The following CEP85L variants were observed in gnomAD, a reference collection of about 807,000 sequenced individuals.
CEP85L encodes the protein centrosomal protein 85L, also known as centrosomal protein of 85 kDa-like.
Under a neutral mutation model 100.3 loss-of-function variants are expected in CEP85L, and 60 were observed. That is an observed-to-expected ratio of 0.60 (90% CI 0.49 to 0.74). The LOEUF is 0.74. Among genes scored for constraint, CEP85L ranks in the 30% least tolerant of loss-of-function variants. The pLI is 0.00. For synonymous variants in CEP85L, 319 were observed against 322.7 expected (o/e 0.99, Z 0.12); for missense variants, 973 against 936.2 (o/e 1.04, Z -0.51).
intron 6 of CEP85L, 143 bp downstream of exon 6, chr6:118,491,543 C>T: frequency 7.0e-7 from 1 of 1,422,684 alleles, no homozygotes; most frequent in Non-Finnish European, 9.2e-7. Flanking sequence ...CAGAGGGCTT[C>T]TCAAAAGTTA....
chr6:118,520,519 C>A (rs969246533), intron 4 of CEP85L, among the ~76,000 whole-genome samples: 3 of 152,158 alleles, frequency 2.0e-5, no homozygotes, highest in Non-Finnish European at 4.4e-5. Context: ...TCCATCATCT[C>A]AACCTTTATC....
rs528427183 is a variant in CEP85L, at chr6:118,465,109, C to T, written c.*296G>A. The T allele has an allele frequency of 3.6e-6, 1 of 276,602 alleles. No individual in the cohort carries two copies. The highest frequency in any genetic ancestry group is 6.4e-5 in the South Asian group (1 of 15,560). The allele number at this position is 276,602 out of a possible 1,614,324, so 17.1% of individuals were successfully genotyped here. A position where few individuals can be genotyped will look rare whatever the true frequency, so the allele number is the denominator to read the frequency against. ...AGGATTAAAAGGAATCCTACTCCTT[C>T]ATGTGAAGGGTACTCTTCACAGCTT... On this transcript the variant is annotated 3_prime_UTR_variant, in exon 13 of 13. Coordinates refer to ENST00000368491, the MANE Select transcript of CEP85L (RefSeq NM_001042475.3).
At chr6:118,656,631 AT>A (rs1388816789), upstream of CEP85L, 6 of 152,186 alleles carry the variant, frequency 3.9e-5, no homozygotes, top group African/African-American at 1.2e-4. Flanking sequence ...ATTTAATTTT[AT>A]TTTTTATTGA....
intron 1 of CEP85L, among the ~76,000 whole-genome samples, chr6:118,644,590 G>A (rs139044577): frequency 9.0e-4 from 137 of 151,856 alleles, no homozygotes; most frequent in African/African-American, 3.1e-3. Flanking sequence ...TCTCCCCACC[G>A]CCCTCTGCCC....
intron 1 of CEP85L, among the ~76,000 whole-genome samples, chr6:118,660,818 T>C (rs963390669): frequency 2.6e-5 from 4 of 152,244 alleles, no homozygotes; most frequent in African/African-American, 9.6e-5. Context: ...AATCTGGTTT[T>C]CTCAAACATA....
intron 1 of CEP85L, among the ~76,000 whole-genome samples, chr6:118,660,013 A>G (rs1775918398): frequency 6.6e-6 from 1 of 152,242 alleles, no homozygotes; most frequent in Non-Finnish European, 1.5e-5. Context: ...TTTAGAACAG[A>G]TGGCTTAAAA....
At position 118,585,242 on chromosome 6, in the gene CEP85L, C is replaced by T. The variant is rs1046949161; in HGVS notation, c.233-18926G>A. 7.2e-5 allele frequency among the ~76,000 whole-genome samples: 11 copies of T among 152,336 alleles called. No individual in the cohort carries two copies. In the East Asian group the frequency reaches 2.1e-3, roughly 29 times the overall value. ...AACATTTACACAGACTCCAAATATG[C>T]TTTCCTGGTTCTCCATGCTCATGCT... On this transcript the variant is annotated intron_variant, in intron 2 of 12. Coordinates refer to ENST00000368491, the MANE Select transcript of CEP85L (RefSeq NM_001042475.3).
chr6:118,565,166 A>G (rs1779428706), intron 3 of CEP85L: 1 of 197,900 alleles, frequency 5.1e-6, no homozygotes, highest in African/African-American at 2.4e-5. Context: ...ACCAGACACA[A>G]AATCTAAGAC....
At chr6:118,626,752 C>A (rs1383238004) in intron 2 of CEP85L, among the ~76,000 whole-genome samples, 1 of 152,166 alleles carries the variant, frequency 6.6e-6, no homozygotes, top group Non-Finnish European at 1.5e-5. Context: ...CCGCAGTCAG[C>A]CTCCACACCA....
intron 2 of CEP85L, among the ~76,000 whole-genome samples, chr6:118,605,587 CTTT>C (rs1160842688): frequency 2.6e-5 from 4 of 152,214 alleles, no homozygotes; most frequent in Non-Finnish European, 4.4e-5. Flanking sequence ...GATCCATGTG[CTTT>C]TAATTCCTGG....
At chr6:118,634,970 T>C (rs947737957) in intron 1 of CEP85L, among the ~76,000 whole-genome samples, 6 of 152,194 alleles carry the variant, frequency 3.9e-5, no homozygotes, top group African/African-American at 1.4e-4. Context: ...ATAAATTTTC[T>C]GGATTTTTAA....
intron 2 of CEP85L, among the ~76,000 whole-genome samples, chr6:118,612,882 C>CTA (rs972037247): frequency 1.3e-5 from 2 of 151,858 alleles, no homozygotes; most frequent in African/African-American, 4.8e-5. Context: ...CAACAAACTG[C>CTA]TACCAAAACT....
chr6:118,527,531 A>G (rs1351570530), intron 3 of CEP85L, among the ~76,000 whole-genome samples: 2 of 152,082 alleles, frequency 1.3e-5, no homozygotes, highest in African/African-American at 4.8e-5. Context: ...TATAAACAAT[A>G]TTATTAACAG....
At position 118,461,164 on chromosome 6, in the gene CEP85L, T is replaced by G. The variant is rs2114348615; in HGVS notation, c.*4241A>C. On this transcript the variant is annotated 3_prime_UTR_variant, in exon 13 of 13. Coordinates refer to ENST00000368491, the MANE Select transcript of CEP85L (RefSeq NM_001042475.3). The stretch of plus-strand genomic sequence containing the variant: ...TGACTGATTATACACTGTGCTGTGC[T>G]TTTTAATGTAACCACCTAGCACCTT... 1 of 152,160 alleles carries G rather than the reference T, an allele frequency of 6.6e-6. No individual in the cohort carries two copies. The highest frequency in any genetic ancestry group is 1.9e-4 in the East Asian group (1 of 5,196). The allele number at this position is 152,160 out of a possible 1,614,324, so 9.4% of individuals were successfully genotyped here. A position where few individuals can be genotyped will look rare whatever the true frequency, so the allele number is the denominator to read the frequency against.
chr6:118,595,413 A>C (rs114398989), intron 2 of CEP85L, among the ~76,000 whole-genome samples: 38 of 152,350 alleles, frequency 2.5e-4, no homozygotes, highest in African/African-American at 7.5e-4. Context: ...TGGCTAAACG[A>C]AAATTCCTCA....
At chr6:118,599,683 G>A (rs1278343480) in intron 2 of CEP85L, among the ~76,000 whole-genome samples, 4 of 152,068 alleles carry the variant, frequency 2.6e-5, no homozygotes, top group African/African-American at 9.7e-5. Flanking sequence ...TTAAACAAGC[G>A]ACCAAGGTAA....
chr6:118,480,252 A>G (rs950571908), intron 9 of CEP85L, 144 bp downstream of exon 9: 5 of 503,912 alleles, frequency 9.9e-6, no homozygotes, highest in Non-Finnish European at 1.7e-5. Flanking sequence ...GTCCTTTCAA[A>G]TAAAAACATT....
At chr6:118,546,331 A>G (rs1404630636) in intron 3 of CEP85L, among the ~76,000 whole-genome samples, 4 of 152,152 alleles carry the variant, frequency 2.6e-5, no homozygotes, top group Non-Finnish European at 5.9e-5. Flanking sequence ...ATACTTTTTA[A>G]GTAAACTTAT....
intron 2 of CEP85L, among the ~76,000 whole-genome samples, chr6:118,595,908 T>C (rs374566720): frequency 1.2e-4 from 19 of 152,250 alleles, no homozygotes; most frequent in African/African-American, 4.3e-4. Flanking sequence ...GTAATAGTAA[T>C]AAAGTTGAAG....
Sources: gnomAD v4.1 joint callset for allele counts (sites outside exome capture counted in the v4.1 genomes callset) on GRCh38, gnomAD v4.1.1 for gene constraint, MANE v1.5 for transcripts, NCBI Gene and HGNC (gene_info 2026-07-23, HGNC 2026-07-21) for gene names.